The following TAFA1 variants were observed in gnomAD, a reference collection of about 807,000 sequenced individuals.
TAFA1 encodes the protein chemokine-like protein TAFA-1.
Under a neutral mutation model 18.5 loss-of-function variants are expected in TAFA1, and 4 were observed. The observed-to-expected ratio is 0.22, with a 90% CI of 0.11 to 0.49. The LOEUF (loss-of-function observed/expected upper bound fraction) is 0.49. Among genes scored for constraint, TAFA1 ranks in the 20% least tolerant of loss-of-function variants. TAFA1 has a pLI of 0.98. For synonymous variants in TAFA1, 56 were observed against 55.2 expected (o/e 1.01, Z -0.06); for missense variants, 147 against 169.0 (o/e 0.87, Z 0.72).
chr3:68,084,872 T>C (rs2064952428), intron 2 of TAFA1, among the ~76,000 whole-genome samples: 1 of 152,038 alleles, frequency 6.6e-6, no homozygotes, highest in African/African-American at 2.4e-5. Flanking sequence ...GGCTGCCTTC[T>C]CTCCTATACT....
At chr3:68,069,184 G>A (rs2064721125) in intron 2 of TAFA1, among the ~76,000 whole-genome samples, 1 of 152,158 alleles carries the variant, frequency 6.6e-6, no homozygotes, top group Non-Finnish European at 1.5e-5. Flanking sequence ...TCACACTGCT[G>A]ATAAAGACAT....
At chr3:68,118,760 C>T (rs1311131984) in intron 2 of TAFA1, among the ~76,000 whole-genome samples, 2 of 152,146 alleles carry the variant, frequency 1.3e-5, no homozygotes, top group Non-Finnish European at 2.9e-5. Context: ...ATGCATTTTA[C>T]TTATCCATTC....
chr3:68,157,450 G>T (rs183138216), intron 2 of TAFA1, among the ~76,000 whole-genome samples: 3 of 152,176 alleles, frequency 2.0e-5, no homozygotes, highest in Admixed American at 2.0e-4. Context: ...AGGAGAAAAA[G>T]CCTTGCCTTT....
At chr3:68,455,650 C>G (rs918427667) in intron 3 of TAFA1, among the ~76,000 whole-genome samples, 1 of 152,092 alleles carries the variant, frequency 6.6e-6, no homozygotes, top group East Asian at 1.9e-4. Flanking sequence ...AACCCTTCAT[C>G]CCCCAATTTT....
chr3:68,384,334 G>T (rs1232994279), intron 2 of TAFA1, among the ~76,000 whole-genome samples: 1 of 151,976 alleles, frequency 6.6e-6, no homozygotes, highest in Non-Finnish European at 1.5e-5. Context: ...TCTTAACACT[G>T]CTTTAGCTGT....
chr3:68,504,697 A>G (rs919585563), intron 3 of TAFA1, among the ~76,000 whole-genome samples: 2 of 152,078 alleles, frequency 1.3e-5, no homozygotes, highest in African/African-American at 4.8e-5. Flanking sequence ...CAAATTTACC[A>G]TCCAACCTCT....
intron 2 of TAFA1, among the ~76,000 whole-genome samples, chr3:68,313,683 C>T (rs997064060): frequency 2.0e-5 from 3 of 152,210 alleles, no homozygotes; most frequent in Non-Finnish European, 4.4e-5. Flanking sequence ...CAATGGTATG[C>T]ACCTCTCCTG....
rs1264523262 is a variant in TAFA1, at chr3:68,439,412, C to CATACATAT, written c.259+21995_259+21996insCATATATA. ...AGAAGTAATAGAATATATATACATA[C>CATACATAT]ATATATATATATATATATATATATA... On this transcript the variant is annotated intron_variant, in intron 3 of 4. Transcript: ENST00000478136. Among the ~76,000 whole-genome samples the CATACATAT allele has an allele frequency of 5.3e-4, 39 of 73,434 alleles. 2 individuals carry two copies. Among genetic ancestry groups the CATACATAT allele is most frequent in the African/African-American group, 2.6e-3 (36 of 14,052 alleles). 48.2% of individuals were successfully genotyped at this position (73,434 alleles called of 152,430 possible). A position where few individuals can be genotyped will look rare whatever the true frequency, so the allele number is the denominator to read the frequency against.
intron 2 of TAFA1, among the ~76,000 whole-genome samples, chr3:68,337,653 TTTTTG>T (rs927860622): frequency 4.6e-5 from 7 of 152,136 alleles, no homozygotes; most frequent in African/African-American, 1.7e-4. Context: ...GTTATTCTGT[TTTTTG>T]TTTTGTGTAT....
intron 2 of TAFA1, among the ~76,000 whole-genome samples, chr3:68,236,623 C>A (rs903290707): frequency 9.9e-5 from 15 of 152,208 alleles, no homozygotes; most frequent in Admixed American, 1.3e-4. Flanking sequence ...CTCTGTTAAC[C>A]CGAATATTCC....
chr3:68,206,423 C>T (rs954226485), intron 2 of TAFA1, among the ~76,000 whole-genome samples: 1 of 151,820 alleles, frequency 6.6e-6, no homozygotes, highest in African/African-American at 2.4e-5. Flanking sequence ...TTGTCACCTA[C>T]ATGGTGATAT....
chr3:68,171,431 GTGT>G (rs987778635), intron 2 of TAFA1, among the ~76,000 whole-genome samples: 3 of 152,156 alleles, frequency 2.0e-5, no homozygotes, highest in Non-Finnish European at 4.4e-5. Context: ...TAATAAATTT[GTGT>G]TGTTTTAAGT....
chr3:68,542,928 G>T (rs896654112), intron 4 of TAFA1, among the ~76,000 whole-genome samples: 8 of 152,208 alleles, frequency 5.3e-5, no homozygotes, highest in African/African-American at 1.9e-4. Flanking sequence ...GTGAGCAGGG[G>T]GATGACTTAG....
At chr3:67,997,587 A>G in the TAFA1 span, among the ~76,000 whole-genome samples, 56 of 152,328 alleles carry the variant, frequency 3.7e-4, no homozygotes, top group Non-Finnish European at 6.8e-4. Context: ...CAAGCCAGAC[A>G]AAAGAGAATA....
At chr3:68,088,095 A>G (rs1055918088) in intron 2 of TAFA1, among the ~76,000 whole-genome samples, 2 of 152,208 alleles carry the variant, frequency 1.3e-5, no homozygotes, top group African/African-American at 4.8e-5. Context: ...CTTTATCATC[A>G]GTGACAAGGT....
chr3:68,254,939 C>G (rs2067269770), intron 2 of TAFA1, among the ~76,000 whole-genome samples: 1 of 152,146 alleles, frequency 6.6e-6, no homozygotes, highest in Non-Finnish European at 1.5e-5. Context: ...GCCCAAAAAA[C>G]TAGCTTTGGA....
intron 3 of TAFA1, among the ~76,000 whole-genome samples, chr3:68,431,363 T>C (rs982962508): frequency 2.6e-5 from 4 of 152,018 alleles, no homozygotes; most frequent in African/African-American, 9.7e-5. Flanking sequence ...TATGCAAGAA[T>C]TATAACAACT....
chr3:68,308,535 A>T (rs192182125), intron 2 of TAFA1, among the ~76,000 whole-genome samples: 1 of 152,164 alleles, frequency 6.6e-6, no homozygotes, highest in East Asian at 1.9e-4. Context: ...ATGCTAACCA[A>T]TTGCACCACT....
chr3:68,156,362 G>C (rs1356166141), intron 2 of TAFA1, among the ~76,000 whole-genome samples: 1 of 152,168 alleles, frequency 6.6e-6, no homozygotes, highest in Non-Finnish European at 1.5e-5. Flanking sequence ...ACGCTGCCTG[G>C]TAGTCATAAG....
Sources: gnomAD v4.1 joint callset for allele counts (sites outside exome capture counted in the v4.1 genomes callset) on GRCh38, gnomAD v4.1.1 for gene constraint, MANE v1.5 for transcripts, NCBI Gene and HGNC (gene_info 2026-07-23, HGNC 2026-07-21) for gene names.